Variants in WDR48 observed in about 807,000 individuals in gnomAD.
The protein encoded by WDR48 is WD repeat domain 48.
A neutral mutation model predicts 94.0 loss-of-function variants in WDR48; 22 were observed. The ratio of observed to expected loss-of-function variants is 0.23; its 90% CI spans 0.17 to 0.33. The LOEUF (loss-of-function observed/expected upper bound fraction) is 0.33. Ranked by LOEUF, WDR48 falls within the 10% of genes least tolerant of loss-of-function variation. WDR48 has a pLI of 1.00. For missense variants in WDR48, 541 were observed against 813.8 expected (o/e 0.66, Z 4.08); for synonymous variants, 278 against 280.5 (o/e 0.99, Z 0.09).
intron 1 of WDR48, among the ~76,000 whole-genome samples, chr3:39,054,517 T>A (rs976356561): frequency 1.3e-5 from 2 of 152,246 alleles, no homozygotes; most frequent in African/African-American, 4.8e-5. Flanking sequence ...ACTTAACATA[T>A]TTTTTTGCTA....
intron 1 of WDR48, 121 bp downstream of exon 1, chr3:39,052,194 C>T: frequency 3.2e-6 from 4 of 1,253,140 alleles, no homozygotes; most frequent in East Asian, 2.7e-5. Context: ...CGGGGCGGGG[C>T]GCGGCCGGCC....
At chr3:39,087,120 A>G (rs1408663640) in intron 14 of WDR48, among the ~76,000 whole-genome samples, 2 of 152,168 alleles carry the variant, frequency 1.3e-5, no homozygotes, top group African/African-American at 4.8e-5. Flanking sequence ...GTGCTAGGAG[A>G]GAGGTTCCAC....
intron 8 of WDR48, among the ~76,000 whole-genome samples, chr3:39,076,388 C>T (rs906339651): frequency 5.9e-5 from 9 of 152,208 alleles, no homozygotes; most frequent in Admixed American, 2.0e-4. Flanking sequence ...GAGAAACACT[C>T]TGCATTATGA....
intron 2 of WDR48, 36 bp from the exon 3 acceptor site, chr3:39,065,775 T>C (rs780900129): frequency 7.0e-7 from 1 of 1,423,152 alleles, no homozygotes; most frequent in Non-Finnish European, 9.7e-7. Context: ...TTTCATTCTC[T>C]CATATAAACT....
chr3:39,056,187 T>TA (rs1204287104), intron 1 of WDR48, among the ~76,000 whole-genome samples: 2 of 152,218 alleles, frequency 1.3e-5, no homozygotes, highest in African/African-American at 2.4e-5. Flanking sequence ...TTATTGAAGA[T>TA]ATTGCTTTGA....
rs1441689197 is a variant in WDR48, at chr3:39,063,034, T to G, written c.49-16T>G. On this transcript the variant is annotated splice_polypyrimidine_tract_variant and intron_variant, in intron 1 of 18. Coordinates refer to ENST00000302313, the MANE Select transcript of WDR48 (RefSeq NM_020839.4). ...GCTTGTACTTTATAAAAAGCATATGTTGACACATTTGTCAGGTTTCCTATG... is the reference window on the plus strand; with the variant it reads ...GCTTGTACTTTATAAAAAGCATATGGTGACACATTTGTCAGGTTTCCTATG... 4 of 1,613,706 alleles carry G rather than the reference T, an allele frequency of 2.5e-6. No homozygotes were observed. Among genetic ancestry groups the G allele is most frequent in the Non-Finnish European group, 3.4e-6 (4 of 1,179,834 alleles).
At position 39,063,019 on chromosome 3, in the gene WDR48, T is replaced by A. The variant is rs756569555; in HGVS notation, c.49-31T>A. ...TTTTATTACTGCATGGCTTGTACTT[T>A]ATAAAAAGCATATGTTGACACATTT... On this transcript the variant is annotated intron_variant, in intron 1 of 18. Transcript: ENST00000302313. 6 of 1,612,616 alleles carry A rather than the reference T, an allele frequency of 3.7e-6. No individual in the cohort carries two copies. In the South Asian group the frequency reaches 6.6e-5, roughly 18 times the overall value.
At chr3:39,084,616 G>A (rs1373638290) in intron 12 of WDR48, 29 bp from the exon 13 acceptor site, 2 of 1,578,710 alleles carry the variant, frequency 1.3e-6, no homozygotes, top group Non-Finnish European at 1.7e-6. Flanking sequence ...TATTCAAATG[G>A]GATGCCACTA....
chr3:39,094,554 C>A, intron 18 of WDR48, 94 bp from the exon 19 acceptor site: 1 of 1,561,212 alleles, frequency 6.4e-7, no homozygotes, highest in Non-Finnish European at 8.6e-7. Flanking sequence ...GAGGAGTGAG[C>A]AAGCTGGATC....
Position 39,078,118 on chromosome 3 carries a change from A to G in WDR48, c.973-19A>G. 6.4e-7 allele frequency: 1 copy of G among 1,573,300 alleles called. No homozygotes were observed. On this transcript the variant is annotated intron_variant, in intron 9 of 18. Transcript: ENST00000302313. ...TTGTAGAGCATAACATGATCAAATA[A>G]CAAATTTTGTAATTTTAGACTTTGA...
chr3:39,062,934 A>G, intron 1 of WDR48, 116 bp from the exon 2 acceptor site: 1 of 1,347,132 alleles, frequency 7.4e-7, no homozygotes, highest in Non-Finnish European at 1.0e-6. Context: ...ATTGGGTTGA[A>G]AAAGTACATA....
chr3:39,063,315 T>C, intron 2 of WDR48, 125 bp downstream of exon 2: 1 of 1,227,024 alleles, frequency 8.1e-7, no homozygotes, highest in Non-Finnish European at 1.1e-6. Context: ...GTACACTCTA[T>C]AAAGACATCG....
rs2034216119 is a variant in WDR48, at chr3:39,076,222, C to T, written c.898-917C>T. Among the ~76,000 whole-genome samples the T allele has an allele frequency of 2.6e-5, 4 of 152,302 alleles. No individual in the cohort carries two copies. In the South Asian group the frequency reaches 8.3e-4, roughly 32 times the overall value. ...CTGCAGTCTAAGAATTCAGACAAAA[C>T]TGGCCAAGTACGGTTCTTTAAAATA... On this transcript the variant is annotated intron_variant, in intron 8 of 18. Coordinates refer to ENST00000302313, the MANE Select transcript of WDR48 (RefSeq NM_020839.4).
intron 2 of WDR48, among the ~76,000 whole-genome samples, chr3:39,063,947 T>C (rs1363649546): frequency 6.6e-6 from 1 of 152,162 alleles, no homozygotes; most frequent in Non-Finnish European, 1.5e-5. Context: ...GGAGACCTTG[T>C]CTCAAATAAA....
intron 12 of WDR48, among the ~76,000 whole-genome samples, 153 bp downstream of exon 12, chr3:39,084,415 AAAAC>A (rs933751080): frequency 5.3e-5 from 8 of 152,114 alleles, no homozygotes; most frequent in Non-Finnish European, 2.9e-5. Context: ...AAAAAAGAAA[AAAAC>A]AAAATTAAAA....
chr3:39,074,984 T>C, intron 8 of WDR48, 34 bp downstream of exon 8: 1 of 1,598,440 alleles, frequency 6.3e-7, no homozygotes. Flanking sequence ...GTTTTATAAT[T>C]AAGGTTGTTA....
intron 9 of WDR48, 87 bp from the exon 10 acceptor site, chr3:39,078,050 T>G (rs1273049261): frequency 3.0e-6 from 3 of 1,002,442 alleles, no homozygotes; most frequent in Non-Finnish European, 4.5e-6. Context: ...TTGTTTGTTT[T>G]TTGACTTTAT....
chr3:39,084,884 A>G (rs1421208533), intron 13 of WDR48, 143 bp downstream of exon 13: 5 of 591,462 alleles, frequency 8.5e-6, no homozygotes, highest in Non-Finnish European at 1.5e-5. Flanking sequence ...ACAAATACCT[A>G]ATGTATACAA....
intron 8 of WDR48, among the ~76,000 whole-genome samples, 153 bp downstream of exon 8, chr3:39,075,103 A>G (rs1221957341): frequency 1.3e-5 from 2 of 151,908 alleles, no homozygotes; most frequent in East Asian, 3.9e-4. Context: ...AGAACTTGAC[A>G]GGGTAAGGAA....
Sources: allele counts gnomAD v4.1 joint callset (sites outside exome capture counted in the v4.1 genomes callset), GRCh38; gene constraint gnomAD v4.1.1; transcripts MANE v1.5; gene names NCBI Gene and HGNC (gene_info 2026-07-23, HGNC 2026-07-21).